ARMC9: variants seen among roughly 807,000 people sequenced by gnomAD.
The protein encoded by ARMC9 is lisH domain-containing protein ARMC9.
In ARMC9, 94 loss-of-function variants were observed where a neutral mutation model predicts 107.0. That is an observed-to-expected ratio of 0.88 (90% CI 0.74 to 1.04). The LOEUF is 1.04. Ranked by LOEUF, ARMC9 falls within the 50% of genes least tolerant of loss-of-function variation. The pLI, the probability that ARMC9 is intolerant of heterozygous loss-of-function variation, is 0.00. For synonymous variants in ARMC9, 380 were observed against 396.9 expected (o/e 0.96, Z 0.51); for missense variants, 942 against 1,030.1 (o/e 0.91, Z 1.17).
intron 24 of ARMC9, 111 bp downstream of exon 24, chr2:231,370,236 G>A: frequency 8.1e-7 from 1 of 1,235,412 alleles, no homozygotes; most frequent in Non-Finnish European, 1.1e-6. Flanking sequence ...ACCAGGCCAG[G>A]CCAGAAGGGC....
At chr2:231,355,476 G>A (rs1000909504) in intron 21 of ARMC9, among the ~76,000 whole-genome samples, 3 of 152,216 alleles carry the variant, frequency 2.0e-5, no homozygotes, top group Admixed American at 6.5e-5. Context: ...CAGCAGATCC[G>A]TGCCTTACGT....
intron 20 of ARMC9, among the ~76,000 whole-genome samples, chr2:231,336,509 G>T (rs917718563): frequency 6.6e-6 from 1 of 152,196 alleles, no homozygotes; most frequent in African/African-American, 2.4e-5. Flanking sequence ...AGTGGATTCT[G>T]TACTTGCAAG....
intron 21 of ARMC9, among the ~76,000 whole-genome samples, chr2:231,346,606 G>A (rs1383479217): frequency 6.6e-6 from 1 of 152,162 alleles, no homozygotes; most frequent in Non-Finnish European, 1.5e-5. Context: ...CTCCTTCTAT[G>A]TGTATGATAC....
At chr2:231,302,808 A>G (rs563174855) in intron 19 of ARMC9, among the ~76,000 whole-genome samples, 1 of 152,230 alleles carries the variant, frequency 6.6e-6, no homozygotes, top group African/African-American at 2.4e-5. Flanking sequence ...TTTTGAGACC[A>G]GCCTGGCCAA....
At chr2:231,225,929 T>C (rs2034600586) in intron 6 of ARMC9, among the ~76,000 whole-genome samples, 1 of 152,230 alleles carries the variant, frequency 6.6e-6, no homozygotes, top group African/African-American at 2.4e-5. Flanking sequence ...TGATCTTGGC[T>C]CACTGCAACC....
At chr2:231,266,705 A>G (rs2038884611) in intron 12 of ARMC9, among the ~76,000 whole-genome samples, 1 of 151,926 alleles carries the variant, frequency 6.6e-6, no homozygotes, top group Non-Finnish European at 1.5e-5. Context: ...ATTGTACAGT[A>G]TTTTTCTTTT....
intron 19 of ARMC9, among the ~76,000 whole-genome samples, chr2:231,306,514 G>C (rs1240590804): frequency 6.6e-6 from 1 of 152,160 alleles, no homozygotes; most frequent in Admixed American, 6.5e-5. Context: ...ACAAGAAATA[G>C]AAAAATGTGG....
intron 7 of ARMC9, among the ~76,000 whole-genome samples, chr2:231,230,712 C>T (rs759936011): frequency 9.2e-5 from 14 of 152,240 alleles, no homozygotes; most frequent in South Asian, 2.1e-4. Flanking sequence ...AACCTACACA[C>T]ATCTTCCCAT....
rs781136054 is a variant in ARMC9, at chr2:231,270,933, A to C, written c.1120-49A>C. 4 of 1,539,598 alleles carry C rather than the reference A, an allele frequency of 2.6e-6. No individual in the cohort carries two copies. The East Asian group carries it at 6.8e-5, about 26-fold the overall frequency. ...AGACCCGAAGAGGAGGCGTGTGTTT[A>C]TCTCTCCGTGTTCTTAACCTTGTTT... On this transcript the variant is annotated intron_variant, in intron 12 of 24. Transcript: ENST00000611582.
At chr2:231,244,434 A>G (rs543178373) in intron 9 of ARMC9, among the ~76,000 whole-genome samples, 1 of 148,914 alleles carries the variant, frequency 6.7e-6, no homozygotes, top group East Asian at 2.0e-4. Context: ...TGGCACGATC[A>G]GGGCCTCTGC....
chr2:231,312,185 C>T (rs1467049745), intron 19 of ARMC9, among the ~76,000 whole-genome samples: 3 of 152,288 alleles, frequency 2.0e-5, no homozygotes, highest in East Asian at 3.9e-4. Flanking sequence ...TCAGCTGGGC[C>T]GGAAGGTTCG....
At chr2:231,226,822 G>T (rs1314039156) in intron 7 of ARMC9, 24 bp downstream of exon 7, 2 of 1,609,938 alleles carry the variant, frequency 1.2e-6, no homozygotes, top group Non-Finnish European at 1.7e-6. Context: ...ATTTAAATTT[G>T]TCTAAGAACA....
intron 6 of ARMC9, among the ~76,000 whole-genome samples, chr2:231,223,730 C>T (rs1355001920): frequency 2.0e-5 from 3 of 152,164 alleles, no homozygotes; most frequent in Non-Finnish European, 2.9e-5. Context: ...GCTTCCTAAG[C>T]CTTCCCTGTT....
chr2:231,231,448 A>G lies in ARMC9; in HGVS notation c.623-3776A>G, dbSNP rs538115417. On this transcript the variant is annotated intron_variant, in intron 7 of 24. Coordinates refer to ENST00000611582, the MANE Select transcript of ARMC9 (RefSeq NM_001352754.2). ...GCCCAGGCTGGAGTGCCGTGGCATG[A>G]TCTTGGCTCACTGCAACCTCTGCCT... Among the ~76,000 whole-genome samples, 4 of 152,298 alleles carry G rather than the reference A, an allele frequency of 2.6e-5. No homozygotes were observed. The South Asian group carries it at 8.3e-4, about 32-fold the overall frequency.
At chr2:231,200,765 G>A (rs999656335) in intron 1 of ARMC9, among the ~76,000 whole-genome samples, 1 of 152,050 alleles carries the variant, frequency 6.6e-6, no homozygotes, top group African/African-American at 2.4e-5. Context: ...AACCCAGGAG[G>A]TGGAGGTTGC....
At chr2:231,286,835 T>C (rs1254397212) in intron 17 of ARMC9, among the ~76,000 whole-genome samples, 6 of 152,166 alleles carry the variant, frequency 3.9e-5, no homozygotes, top group African/African-American at 1.4e-4. Context: ...ATAGTAATCT[T>C]ACAAGAATAC....
At chr2:231,228,605 TTC>T (rs1420946255) in intron 7 of ARMC9, among the ~76,000 whole-genome samples, 8 of 152,212 alleles carry the variant, frequency 5.3e-5, no homozygotes, top group Non-Finnish European at 8.8e-5. Context: ...TTCTGCTGCA[TTC>T]TGTTTCTTGC....
intron 20 of ARMC9, among the ~76,000 whole-genome samples, chr2:231,342,094 T>C (rs952160040): frequency 2.5e-4 from 38 of 152,276 alleles, no homozygotes; most frequent in South Asian, 1.4e-3. Flanking sequence ...TCTTTGCAAC[T>C]GAGGGGCCCG....
At chr2:231,213,156 C>T (rs1274678476) in intron 3 of ARMC9, among the ~76,000 whole-genome samples, 2 of 146,102 alleles carry the variant, frequency 1.4e-5, no homozygotes, top group South Asian at 2.2e-4. Flanking sequence ...TATCTGTAAA[C>T]GTTTTTTCTT....
Sources: allele counts gnomAD v4.1 joint callset (sites outside exome capture counted in the v4.1 genomes callset), GRCh38; gene constraint gnomAD v4.1.1; transcripts MANE v1.5; gene names NCBI Gene and HGNC (gene_info 2026-07-23, HGNC 2026-07-21).